The following DNAAF9 variants were observed in gnomAD, a reference collection of about 807,000 sequenced individuals.
DNAAF9 encodes dynein axonemal assembly factor 9, also known as shulin.
In DNAAF9, 90 loss-of-function variants were observed where a neutral mutation model predicts 167.0. The observed-to-expected ratio is 0.54, with a 90% confidence interval of 0.45 to 0.64. The LOEUF is 0.64. Among genes scored for constraint, DNAAF9 ranks in the 30% least tolerant of loss-of-function variants. DNAAF9 has a pLI of 0.00. For missense variants in DNAAF9, 1,315 were observed against 1,442.2 expected, an observed-to-expected ratio of 0.91 and a Z score of 1.43; for synonymous variants, 491 against 508.8, an observed-to-expected ratio of 0.96 and a Z score of 0.47.
intron 1 of DNAAF9, among the ~76,000 whole-genome samples, chr20:3,397,786 G>A (rs2083931247): frequency 1.3e-5 from 2 of 151,946 alleles, no homozygotes; most frequent in Admixed American, 6.6e-5. Flanking sequence ...AACAATTCTT[G>A]CATTTATTGG....
intron 5 of DNAAF9, among the ~76,000 whole-genome samples, chr20:3,374,776 T>G (rs1400234650): frequency 6.6e-6 from 1 of 152,220 alleles, no homozygotes; most frequent in African/African-American, 2.4e-5. Flanking sequence ...GATACAGCCA[T>G]GTCAATTGTG....
chr20:3,321,056 C>G (rs764432233), intron 16 of DNAAF9, among the ~76,000 whole-genome samples: 1 of 152,210 alleles, frequency 6.6e-6, no homozygotes, highest in East Asian at 1.9e-4. Flanking sequence ...GGCTCCCCTT[C>G]GCCATGCCAT....
Position 3,348,536 on chromosome 20 carries a change from G to A in DNAAF9, c.778C>T (p.Gln260Ter). The change falls in exon 8 of 37, where the codon CAG becomes TAG. Residue 260 changes from glutamine to a stop codon, truncating the protein, a stop_gained. Coordinates refer to ENST00000252032, the MANE Select transcript of DNAAF9 (RefSeq NM_001009984.3). LOFTEE classifies it high-confidence loss of function. ...IPFLLELSESQAGEPFRSYFS... is the reference protein window; with the variant it reads ...IPFLLELSES The stretch of plus-strand genomic sequence containing the variant: ...CTTCCCTTACATACCTCACCCGCCT[G>A]AGATTCTGAAAGTTCTAGCAGGAAA... 1 of 1,590,278 alleles carries A rather than the reference G, an allele frequency of 6.3e-7. No homozygotes were observed. The highest frequency in any genetic ancestry group is 8.6e-7 in the Non-Finnish European group (1 of 1,163,190).
At chr20:3,337,889 T>C (rs2069993614) in intron 10 of DNAAF9, among the ~76,000 whole-genome samples, 1 of 151,160 alleles carries the variant, frequency 6.6e-6, no homozygotes, top group South Asian at 2.1e-4. Context: ...ATAAGAAAAA[T>C]AAAAGGTTTC....
intron 25 of DNAAF9, among the ~76,000 whole-genome samples, chr20:3,290,798 T>C (rs966152842): frequency 2.7e-5 from 4 of 150,854 alleles, no homozygotes; most frequent in African/African-American, 9.8e-5. Context: ...TTTTTTTTTT[T>C]TTTTTTTTGA....
At chr20:3,324,138 G>A (rs1342621816) in intron 14 of DNAAF9, among the ~76,000 whole-genome samples, 1 of 152,152 alleles carries the variant, frequency 6.6e-6, no homozygotes, top group Non-Finnish European at 1.5e-5. Context: ...CACTCCTGGG[G>A]CTGCAGAAAT....
chr20:3,356,129 T>C (rs1428515771), intron 7 of DNAAF9, among the ~76,000 whole-genome samples: 2 of 152,246 alleles, frequency 1.3e-5, no homozygotes, highest in Admixed American at 1.3e-4. Flanking sequence ...GTGATTCTCC[T>C]GCCTCAGCCT....
chr20:3,303,862 T>C (rs1248518538), intron 21 of DNAAF9, among the ~76,000 whole-genome samples: 2 of 152,210 alleles, frequency 1.3e-5, no homozygotes, highest in Admixed American at 6.5e-5. Flanking sequence ...GAAGTGTTGG[T>C]GCAGACTGGT....
At position 3,260,004 on chromosome 20, in the gene DNAAF9, T is replaced by C; in HGVS notation, c.2898A>G (p.Gly966=). The C allele has an allele frequency of 6.2e-7, 1 of 1,611,042 alleles. No homozygotes were observed. The highest frequency in any genetic ancestry group is 1.3e-5 in the African/African-American group (1 of 74,990). ...PGWYEGKLNA[G]SVYPLMVQIC... is the part of the protein sequence containing the mutation. Reference sequence around the variant, plus strand: ...TCTGAACCATTAGGGGATAGACTGATCCAGCATTCAATTTACCTTCATACC... The same window carrying C: ...TCTGAACCATTAGGGGATAGACTGACCCAGCATTCAATTTACCTTCATACC... The change falls in exon 32 of 37, where the codon GGA becomes GGG. Residue 966 remains glycine, a synonymous_variant. Transcript: ENST00000252032.
At chr20:3,256,233 G>C in intron 33 of DNAAF9, 22 bp from the exon 34 acceptor site, 1 of 1,537,866 alleles carries the variant, frequency 6.5e-7, no homozygotes, top group Non-Finnish European at 9.0e-7. Context: ...ATACACATTA[G>C]TCCCTGAGAG....
At chr20:3,252,819 G>A in intron 36 of DNAAF9, 135 bp from the exon 37 acceptor site, 1 of 657,946 alleles carries the variant, frequency 1.5e-6, no homozygotes. Flanking sequence ...GGAACCTGAT[G>A]GACTCTTTGT....
chr20:3,359,516 A>C lies in DNAAF9; in HGVS notation c.690T>G (p.Asp230Glu). 3 of 1,604,918 alleles carry C rather than the reference A, an allele frequency of 1.9e-6. No homozygotes were observed. The highest frequency in any genetic ancestry group is 2.2e-5 in the East Asian group (1 of 44,750). Residue 230 changes from aspartate (D) to glutamate (E), a missense_variant and splice_region_variant, in exon 7 of 37, where the codon GAT becomes GAG. Coordinates refer to ENST00000252032, the MANE Select transcript of DNAAF9 (RefSeq NM_001009984.3). ...TAAAAGTTACTGTTTGGCTCCTTAC[A>C]TCTGAAAGCAAACTCTCCAGAGACA... Reference protein sequence around the residue: ...DPMSLESLLSDDLVAFEHQWT... With the variant: ...DPMSLESLLSEDLVAFEHQWT...
At chr20:3,359,794 T>C (rs974113907) in intron 6 of DNAAF9, among the ~76,000 whole-genome samples, 3 of 152,342 alleles carry the variant, frequency 2.0e-5, no homozygotes, top group Admixed American at 2.0e-4. Context: ...TTCAGAAACT[T>C]TGGTACTGAT....
chr20:3,321,152 T>G (rs899770833), intron 16 of DNAAF9, among the ~76,000 whole-genome samples: 3 of 152,206 alleles, frequency 2.0e-5, no homozygotes, highest in Non-Finnish European at 2.9e-5. Context: ...ACTACTCTAC[T>G]TCATGGCAGA....
intron 10 of DNAAF9, among the ~76,000 whole-genome samples, chr20:3,334,574 G>T (rs1002558914): frequency 3.3e-5 from 5 of 152,218 alleles, no homozygotes; most frequent in Non-Finnish European, 5.9e-5. Context: ...ACCAAAAAGC[G>T]AAATTGCTGG....
At chr20:3,313,403 T>G (rs1369353257) in intron 20 of DNAAF9, among the ~76,000 whole-genome samples, 1 of 152,186 alleles carries the variant, frequency 6.6e-6, no homozygotes, top group East Asian at 1.9e-4. Context: ...ACCAGTGATC[T>G]GAGAACAGGG....
At chr20:3,294,375 A>C (rs2069024816) in intron 24 of DNAAF9, 119 bp from the exon 25 acceptor site, 1 of 831,936 alleles carries the variant, frequency 1.2e-6, no homozygotes, top group Non-Finnish European at 2.0e-6. Context: ...GATTCTCTCT[A>C]GAGAATAAAA....
At chr20:3,346,184 G>A (rs539524755) in intron 8 of DNAAF9, among the ~76,000 whole-genome samples, 1 of 152,262 alleles carries the variant, frequency 6.6e-6, no homozygotes, top group East Asian at 1.9e-4. Context: ...AAGTTGTGCA[G>A]CAACAGGCAT....
chr20:3,309,259 A>T (rs1015524688), intron 20 of DNAAF9, among the ~76,000 whole-genome samples: 1 of 152,014 alleles, frequency 6.6e-6, no homozygotes, highest in Non-Finnish European at 1.5e-5. Context: ...TTACCATGTC[A>T]AGTAAGTAAA....
Sources: gnomAD v4.1 joint callset for allele counts (sites outside exome capture counted in the v4.1 genomes callset) on GRCh38, gnomAD v4.1.1 for gene constraint, MANE v1.5 for transcripts, NCBI Gene and HGNC (gene_info 2026-07-23, HGNC 2026-07-21) for gene names.